ZNF577: variants seen among roughly 807,000 people sequenced by gnomAD.
ZNF577 encodes zinc finger protein 577.
ZNF577 carries 14 observed loss-of-function variants against 13.9 expected under a neutral mutation model. The ratio of observed to expected loss-of-function variants is 1.00; its 90% confidence interval spans 0.66 to 1.57. The LOEUF is 1.57. Ranked by LOEUF, ZNF577 falls within the 40% of genes most tolerant of loss-of-function variation. The pLI is 0.00. For synonymous variants in ZNF577, 203 were observed against 202.9 expected, an observed-to-expected ratio of 1.00 and a Z score of 0.00; for missense variants, 555 against 579.2, an observed-to-expected ratio of 0.96 and a Z score of 0.43.
intron 3 of ZNF577, chr19:51,878,734 A>G (rs2084809556): frequency 4.7e-6 from 2 of 426,996 alleles, no homozygotes; most frequent in African/African-American, 1.9e-5. Flanking sequence ...AAGACTGTTC[A>G]TTATTCCTTT....
intron 5 of ZNF577, among the ~76,000 whole-genome samples, chr19:51,850,449 A>G (rs1412568023): frequency 2.0e-5 from 3 of 152,218 alleles, no homozygotes; most frequent in African/African-American, 7.2e-5. Flanking sequence ...TCTGAAAGAA[A>G]TAGGTGCTGC....
At chr19:51,825,234 A>G in intron 9 of ZNF577, 1 of 184,500 alleles carries the variant, frequency 5.4e-6, no homozygotes, top group Admixed American at 5.8e-5. Context: ...AGCAAGGTTT[A>G]TTATAAAAGA....
intron 5 of ZNF577, among the ~76,000 whole-genome samples, chr19:51,857,378 GAAAGAAAGAAA>G (rs2084439508): frequency 1.0e-5 from 1 of 98,590 alleles, no homozygotes; most frequent in Non-Finnish European, 1.9e-5. Flanking sequence ...AAGAAAGAAA[GAAAGAAAGAAA>G]GAAAGAAAGA....
chr19:51,828,803 T>G (rs571994769), intron 9 of ZNF577, among the ~76,000 whole-genome samples: 77 of 152,316 alleles, frequency 5.1e-4, no homozygotes, highest in Non-Finnish European at 9.0e-4. Context: ...TGCAACTTAG[T>G]ACTGCTGTTG....
intron 6 of ZNF577, among the ~76,000 whole-genome samples, chr19:51,843,920 G>T (rs939108232): frequency 1.3e-5 from 2 of 152,150 alleles, no homozygotes; most frequent in South Asian, 4.1e-4. Context: ...ATACCATTCT[G>T]CGTTCAAAGA....
chr19:51,824,661 A>T lies in ZNF577; in HGVS notation c.*600-12987T>A. On this transcript the variant is annotated intron_variant and NMD_transcript_variant, in intron 9 of 10. Coordinates refer to the ZNF577 transcript ENST00000638827. The surrounding 1 kb of genome is among the most constrained non-coding windows in gnomAD (Gnocchi z 4.7). ...CCTCAACCCAATTCTCTACGTCTTTATGGGTCGTAACTTCCAAGAAAGACT... is the reference window on the plus strand; with the variant it reads ...CCTCAACCCAATTCTCTACGTCTTTTTGGGTCGTAACTTCCAAGAAAGACT... 1.2e-6 allele frequency: 2 copies of T among 1,614,088 alleles called. No individual in the cohort carries two copies. Among genetic ancestry groups the T allele is most frequent in the Non-Finnish European group, 1.7e-6 (2 of 1,180,006 alleles).
At chr19:51,833,383 A>G (rs776104773) in intron 9 of ZNF577, among the ~76,000 whole-genome samples, 3 of 152,188 alleles carry the variant, frequency 2.0e-5, no homozygotes, top group Non-Finnish European at 4.4e-5. Context: ...TTAGTTGTTT[A>G]AGGTAGGAGC....
intron 5 of ZNF577, among the ~76,000 whole-genome samples, chr19:51,853,492 G>A (rs936237723): frequency 2.6e-5 from 4 of 152,172 alleles, no homozygotes; most frequent in Non-Finnish European, 5.9e-5. Context: ...TGGATCTTGG[G>A]TGAACTGCGT....
intron 9 of ZNF577, among the ~76,000 whole-genome samples, chr19:51,834,902 C>T (rs992693099): frequency 3.3e-5 from 5 of 151,944 alleles, no homozygotes; most frequent in African/African-American, 1.2e-4. Flanking sequence ...CCAGACTGCT[C>T]TTGAACTCCT....
At chr19:51,882,993 A>ATTTT (rs536929212) in intron 1 of ZNF577, among the ~76,000 whole-genome samples, 2 of 133,030 alleles carry the variant, frequency 1.5e-5, no homozygotes, top group Non-Finnish European at 3.2e-5. Flanking sequence ...TTTAAAAAAA[A>ATTTT]TTTTTTTTTT....
intron 1 of ZNF577, 41 bp from the exon 2 acceptor site, chr19:51,880,918 T>A: frequency 6.5e-6 from 1 of 154,446 alleles, no homozygotes; most frequent in Non-Finnish European, 1.4e-5. Flanking sequence ...GAAGACATGC[T>A]CCTAGGATCA....
intron 9 of ZNF577, chr19:51,823,962 TTC>T (rs1376917203): frequency 1.2e-6 from 2 of 1,614,138 alleles, no homozygotes; most frequent in Admixed American, 3.3e-5. Context: ...CCTAGCTGAC[TTC>T]TCTTTCAGTG....
rs149423962 is a variant in ZNF577 at position 51,820,174 on chromosome 19, T to C, written c.*600-8500A>G. Among the ~76,000 whole-genome samples, 721 of 152,280 alleles carry C rather than the reference T, an allele frequency of 4.7e-3. 1 individual carries two copies. The highest frequency in any genetic ancestry group is 7.3e-3 in the Admixed American group (112 of 15,292). ...GAAAGCAGAAGGGCTGAATGTTATTTTAATGCATCAGAAATCACACGTGCT... is the reference window on the plus strand; with the variant it reads ...GAAAGCAGAAGGGCTGAATGTTATTCTAATGCATCAGAAATCACACGTGCT... On this transcript the variant is annotated intron_variant and NMD_transcript_variant, in intron 9 of 10. Transcript: ENST00000638827.
At chr19:51,885,864 A>T (rs7251689) in intron 1 of ZNF577, among the ~76,000 whole-genome samples, 32,773 of 152,022 alleles carry the variant, frequency 0.22, 4,262 homozygotes, top group South Asian at 0.41. Flanking sequence ...TATCAACAAT[A>T]CTCATAACTC....
chr19:51,879,588 A>G (rs2084828352), intron 3 of ZNF577, among the ~76,000 whole-genome samples: 1 of 152,132 alleles, frequency 6.6e-6, no homozygotes, highest in Non-Finnish European at 1.5e-5. Context: ...AAAAAAAGTA[A>G]TAATATTTAT....
At chr19:51,818,071 C>T (rs55883913) in intron 9 of ZNF577, among the ~76,000 whole-genome samples, 57,542 of 150,970 alleles carry the variant, frequency 0.38, 11,219 homozygotes, top group South Asian at 0.52. Flanking sequence ...GGGACATGGA[C>T]GAAGCTGGAA....
chr19:51,811,947 C>G (rs1447321985), intron 9 of ZNF577, among the ~76,000 whole-genome samples: 1 of 152,160 alleles, frequency 6.6e-6, no homozygotes, highest in African/African-American at 2.4e-5. Flanking sequence ...GCAAGGATCC[C>G]ACTAAATGTA....
chr19:51,876,323 G>A (rs1025351577), intron 5 of ZNF577, among the ~76,000 whole-genome samples: 2 of 152,016 alleles, frequency 1.3e-5, no homozygotes, highest in African/African-American at 4.8e-5. Flanking sequence ...GGTGGCTGGC[G>A]ACACGCAGCG....
rs746950422 is a variant in ZNF577 at position 51,824,668 on chromosome 19, G to A, written c.*600-12994C>T. The A allele has an allele frequency of 1.2e-5, 20 of 1,613,932 alleles. No homozygotes were observed. The East Asian group carries it at 1.3e-4, about 11-fold the overall frequency. The stretch of plus-strand genomic sequence containing the variant: ...CCAATTCTCTACGTCTTTATGGGTC[G>A]TAACTTCCAAGAAAGACTGATTCGC... On this transcript the variant is annotated intron_variant and NMD_transcript_variant, in intron 9 of 10. Transcript: ENST00000638827. The surrounding 1 kb of genome is among the most constrained non-coding windows in gnomAD (Gnocchi z 4.7).
Sources: allele counts gnomAD v4.1 joint callset (sites outside exome capture counted in the v4.1 genomes callset), GRCh38; gene constraint gnomAD v4.1.1; non-coding constraint Gnocchi (gnomAD v3.1); transcripts MANE v1.5; gene names NCBI Gene and HGNC (gene_info 2026-07-23, HGNC 2026-07-21).